The following SGCD variants were observed in gnomAD, a reference collection of about 807,000 sequenced individuals.
The protein encoded by SGCD is delta-sarcoglycan.
SGCD carries 18 observed loss-of-function variants against 36.6 expected under a neutral mutation model. The observed-to-expected ratio is 0.49, with a 90% confidence interval of 0.34 to 0.73. SGCD has a LOEUF of 0.73. Ranked by LOEUF, SGCD falls within the 30% of genes least tolerant of loss-of-function variation. The pLI is 0.01. For synonymous variants in SGCD, 133 were observed against 130.6 expected (o/e 1.02, Z -0.12); for missense variants, 387 against 346.7 (o/e 1.12, Z -0.92).
chr5:155,793,953 G>GAAAAAAA, the SGCD span, among the ~76,000 whole-genome samples: 7 of 100,342 alleles, frequency 7.0e-5, no homozygotes, highest in African/African-American at 1.1e-4. Context: ...AAGCAAAAAT[G>GAAAAAAA]AAAAAAAAAA....
intron 1 of SGCD, among the ~76,000 whole-genome samples, chr5:155,901,982 A>G (rs1177408608): frequency 6.6e-6 from 1 of 152,146 alleles, no homozygotes; most frequent in African/African-American, 2.4e-5. Context: ...ACCCTGCTTC[A>G]CTGTTTGTTC....
intron 7 of SGCD, among the ~76,000 whole-genome samples, chr5:156,741,562 C>T (rs1756674698): frequency 6.7e-6 from 1 of 149,654 alleles, no homozygotes; most frequent in Admixed American, 6.6e-5. Context: ...CTTCGTAAAC[C>T]TGGGAGAGAT....
chr5:156,535,432 A>G (rs1758064730), intron 4 of SGCD, among the ~76,000 whole-genome samples: 1 of 152,236 alleles, frequency 6.6e-6, no homozygotes, highest in African/African-American at 2.4e-5. Flanking sequence ...TTCTTTTCAA[A>G]ATGCCATTGG....
chr5:156,134,146 C>T (rs977652153), intron 3 of SGCD, among the ~76,000 whole-genome samples: 1 of 152,102 alleles, frequency 6.6e-6, no homozygotes, highest in African/African-American at 2.4e-5. Flanking sequence ...CTTTGCTTTG[C>T]TGCTAAACCC....
At chr5:156,321,960 G>A (rs1767684456), upstream of SGCD, among the ~76,000 whole-genome samples, 1 of 152,096 alleles carries the variant, frequency 6.6e-6, no homozygotes, top group Non-Finnish European at 1.5e-5. Flanking sequence ...GTAACCATAA[G>A]GGTCCCGATG....
At chr5:156,241,479 A>G (rs1765305008) in intron 3 of SGCD, among the ~76,000 whole-genome samples, 1 of 152,204 alleles carries the variant, frequency 6.6e-6, no homozygotes, top group South Asian at 2.1e-4. Context: ...GGGCTTACCA[A>G]GAACATGTAT....
intron 3 of SGCD, among the ~76,000 whole-genome samples, chr5:156,413,175 T>C (rs1772860218): frequency 1.3e-5 from 2 of 152,146 alleles, no homozygotes; most frequent in Non-Finnish European, 2.9e-5. Context: ...AATAAAATAA[T>C]TGCACACTGG....
At chr5:155,948,926 C>T (rs549680475) in intron 1 of SGCD, among the ~76,000 whole-genome samples, 122 of 152,100 alleles carry the variant, frequency 8.0e-4, no homozygotes, top group African/African-American at 2.8e-3. Context: ...TTATCAAAAC[C>T]GACAAATGCA....
chr5:156,395,715 C>T (rs1320841616), intron 3 of SGCD, among the ~76,000 whole-genome samples: 1 of 152,118 alleles, frequency 6.6e-6, no homozygotes, highest in Non-Finnish European at 1.5e-5. Context: ...GGATCATTAG[C>T]GAGGTTACAT....
At chr5:155,996,976 A>G (rs935245443) in intron 1 of SGCD, among the ~76,000 whole-genome samples, 2 of 152,070 alleles carry the variant, frequency 1.3e-5, no homozygotes, top group South Asian at 2.1e-4. Flanking sequence ...CATTCTGCCA[A>G]TGTTGCATTA....
At chr5:156,337,212 A>G (rs1768399512) in intron 2 of SGCD, among the ~76,000 whole-genome samples, 1 of 152,214 alleles carries the variant, frequency 6.6e-6, no homozygotes, top group Non-Finnish European at 1.5e-5. Flanking sequence ...AACTCTAGAA[A>G]CTGTAATGAG....
At chr5:156,195,306 C>T (rs974774411) in intron 3 of SGCD, among the ~76,000 whole-genome samples, 8 of 152,056 alleles carry the variant, frequency 5.3e-5, no homozygotes, top group Admixed American at 6.6e-5. Context: ...GCTGGGTAAA[C>T]GTGGGTTTGC....
chr5:156,684,271 T>C (rs982192274), intron 7 of SGCD, among the ~76,000 whole-genome samples: 1 of 151,478 alleles, frequency 6.6e-6, no homozygotes, highest in Non-Finnish European at 1.5e-5. Flanking sequence ...GTGGGGAAGA[T>C]GATGAAGTGA....
chr5:156,682,721 GGGGCT>G (rs1324255978), intron 7 of SGCD, among the ~76,000 whole-genome samples: 1 of 152,230 alleles, frequency 6.6e-6, no homozygotes, highest in African/African-American at 2.4e-5. Context: ...TTGATCAGCA[GGGGCT>G]GGGTTCTTCA....
chr5:156,103,189 T>C (rs55756765), intron 1 of SGCD, among the ~76,000 whole-genome samples: 4,763 of 152,262 alleles, frequency 0.031, 104 homozygotes, highest in Non-Finnish European at 0.049. Flanking sequence ...TCCCATGATA[T>C]CAGAATAATT....
intron 3 of SGCD, among the ~76,000 whole-genome samples, chr5:156,320,097 A>ATGTG (rs10535885): frequency 0.031 from 4,538 of 146,148 alleles, 217 homozygotes; most frequent in African/African-American, 0.11. Flanking sequence ...AGCCTTTGAT[A>ATGTG]TGTGTGTGTG....
Position 156,319,003 on chromosome 5 carries a change from T to A in SGCD, c.-43-10531T>A, listed in dbSNP as rs141130946. Among the ~76,000 whole-genome samples the A allele has an allele frequency of 2.2e-4, 34 of 152,358 alleles. 1 individual carries two copies. In the East Asian group the frequency reaches 6.4e-3, roughly 29 times the overall value. ...AGCCAATCTGTCTCTTTATGCTTTT[T>A]ATTTCTGTTTTTGTCAATTTCTTTC... On this transcript the variant is annotated intron_variant, in intron 3 of 9. Transcript: ENST00000517913.
chr5:156,715,466 T>C (rs1022709444), intron 7 of SGCD, among the ~76,000 whole-genome samples: 1 of 152,232 alleles, frequency 6.6e-6, no homozygotes, highest in African/African-American at 2.4e-5. Context: ...GCTTGCTCAT[T>C]ATGTTGGCTT....
chr5:155,749,741 A>G, the SGCD span, among the ~76,000 whole-genome samples: 11 of 152,328 alleles, frequency 7.2e-5, no homozygotes, highest in South Asian at 1.2e-3. Context: ...GTTCTTTGTC[A>G]TGGGTTGACT....
Sources: gnomAD v4.1 joint callset for allele counts (sites outside exome capture counted in the v4.1 genomes callset) on GRCh38, gnomAD v4.1.1 for gene constraint, MANE v1.5 for transcripts, NCBI Gene and HGNC (gene_info 2026-07-23, HGNC 2026-07-21) for gene names.